Variants in TST observed in about 807,000 individuals in gnomAD.
TST encodes the protein thiosulfate sulfurtransferase.
In TST, 22 loss-of-function variants were observed where a neutral mutation model predicts 20.4. That is an observed-to-expected ratio of 1.08 (90% CI 0.77 to 1.54). The LOEUF (loss-of-function observed/expected upper bound fraction) is 1.54. Among genes scored for constraint, TST ranks in the 40% most tolerant of loss-of-function variants. TST has a pLI of 0.00. For synonymous variants in TST, 187 were observed against 173.8 expected (o/e 1.08, Z -0.60); for missense variants, 392 against 405.2 (o/e 0.97, Z 0.28).
intron 2 of TST, among the ~76,000 whole-genome samples, chr22:37,015,764 C>T (rs1922654647): frequency 1.3e-5 from 2 of 152,076 alleles, no homozygotes; most frequent in African/African-American, 2.4e-5. Context: ...TCCCACACCA[C>T]GCTGGGAACC....
chr22:37,018,318 G>T lies in TST; in HGVS notation c.415C>A (p.His139Asn), dbSNP rs1352734679. ...GGFRNWLKEGHPVTSEPSRPE... is the reference protein window; with the variant it reads ...GGFRNWLKEGNPVTSEPSRPE... ...CGTGAGGGCTCGGATGTCACCGGGTGGCCCTCCTTCAGCCAGTTCCGGAAG... is the reference window on the plus strand; with the variant it reads ...CGTGAGGGCTCGGATGTCACCGGGTTGCCCTCCTTCAGCCAGTTCCGGAAG... The change falls in exon 2 of 3, where the codon CAC becomes AAC. Residue 139 changes from histidine (H) to asparagine (N), a missense_variant. Transcript: ENST00000249042. The T allele has an allele frequency of 1.2e-6, 2 of 1,614,028 alleles. No individual in the cohort carries two copies. Among genetic ancestry groups the T allele is most frequent in the Non-Finnish European group, 8.5e-7 (1 of 1,180,022 alleles).
At chr22:37,012,804 G>A (rs893963141) in intron 2 of TST, among the ~76,000 whole-genome samples, 2 of 152,204 alleles carry the variant, frequency 1.3e-5, no homozygotes, top group Non-Finnish European at 2.9e-5. Context: ...CCAGCACTTT[G>A]GGAGGCTGAG....
At chr22:37,012,066 G>A (rs951525033) in intron 2 of TST, among the ~76,000 whole-genome samples, 20 of 152,180 alleles carry the variant, frequency 1.3e-4, no homozygotes, top group African/African-American at 4.8e-4. Flanking sequence ...TTTCTCCATA[G>A]GAAAAATGGA....
rs146828262 is a variant in TST at position 37,012,135 on chromosome 22, C to G, written c.596-810G>C. On this transcript the variant is annotated intron_variant, in intron 2 of 2. Transcript: ENST00000249042. Reference sequence around the variant, plus strand: ...CGAAGCGGGTGGCACAAGGAAAGCGCTGGCTTTGGAGGCTGGCCCACCCAC... The same window carrying G: ...CGAAGCGGGTGGCACAAGGAAAGCGGTGGCTTTGGAGGCTGGCCCACCCAC... Among the ~76,000 whole-genome samples, 278 of 152,320 alleles carry G rather than the reference C, an allele frequency of 1.8e-3. 1 individual carries two copies. The highest frequency in any genetic ancestry group is 6.4e-3 in the African/African-American group (264 of 41,574).
rs1359993657 is a variant in TST at position 37,018,337 on chromosome 22, C to T, written c.396G>A (p.Arg132=). 2 of 1,613,850 alleles carry T rather than the reference C, an allele frequency of 1.2e-6. No individual in the cohort carries two copies. The highest frequency in any genetic ancestry group is 1.7e-6 in the Non-Finnish European group (2 of 1,180,028). The change falls in exon 2 of 3, where the codon CGG becomes CGA. Residue 132 remains arginine (R), a synonymous_variant. Transcript: ENST00000249042. The part of the protein sequence containing the change: ...RTVSVLNGGF[R]NWLKEGHPVT... The stretch of plus-strand genomic sequence containing the variant: ...CCGGGTGGCCCTCCTTCAGCCAGTT[C>T]CGGAAGCCACCATTGAGCACTGATA...
At chr22:37,018,003 C>G in intron 2 of TST, 135 bp downstream of exon 2, 1 of 657,052 alleles carries the variant, frequency 1.5e-6, no homozygotes, top group Non-Finnish European at 2.4e-6. Flanking sequence ...CTGGTTTTAT[C>G]GATGGAAAGA....
Position 37,018,199 on chromosome 22 carries a change from C to T in TST, c.534G>A (p.Gln178=). ...GCCCTTGAGACCTTGAATCCACCAGCTGGAACCTCTTAGATTCAAGGTTCT... is the reference window on the plus strand; with the variant it reads ...GCCCTTGAGACCTTGAATCCACCAGTTGGAACCTCTTAGATTCAAGGTTCT... ...VLENLESKRF[Q]LVDSRSQGRF... The change falls in exon 2 of 3, where the codon CAG becomes CAA. Residue 178 remains glutamine, a synonymous_variant. Transcript: ENST00000249042. 6.2e-7 allele frequency: 1 copy of T among 1,611,886 alleles called. No homozygotes were observed. The highest frequency in any genetic ancestry group is 1.1e-5 in the South Asian group (1 of 90,724).
At chr22:37,019,863 C>A (rs1292313745), upstream of TST, 1 of 1,222,364 alleles carries the variant, frequency 8.2e-7, no homozygotes. Context: ...GCCGGGAGTC[C>A]GAGACCCGGG....
chr22:37,015,951 T>C (rs1922663798), intron 2 of TST, among the ~76,000 whole-genome samples: 2 of 144,186 alleles, frequency 1.4e-5, no homozygotes, highest in South Asian at 4.6e-4. Context: ...TTTTTTTTTT[T>C]TTTTTTTTTT....
rs937549582 is a variant in TST, at chr22:37,010,949, C to T, written c.*78G>A. 1 of 1,528,318 alleles carries T rather than the reference C, an allele frequency of 6.5e-7. No individual in the cohort carries two copies. Among genetic ancestry groups the T allele is most frequent in the Admixed American group, 1.9e-5 (1 of 52,264 alleles). 94.7% of individuals were successfully genotyped at this position (1,528,318 alleles called of 1,614,324 possible). On this transcript the variant is annotated 3_prime_UTR_variant, in exon 3 of 3. Transcript: ENST00000249042. ...TTCTAAAAACATGTCATCTCCTTCA[C>T]CTAAGAGGTAAGAACCGGCTGTAAG...
rs1196340188 is a variant in TST, at chr22:37,019,436, G to GTC, written c.-59_-58insGA. 4 of 151,350 alleles carry GTC rather than the reference G, an allele frequency of 2.6e-5. No homozygotes were observed. The highest frequency in any genetic ancestry group is 9.7e-5 in the African/African-American group (4 of 41,302). The allele number at this position is 151,350 out of a possible 1,614,324, so 9.4% of individuals were successfully genotyped here. ...GCCGCGCTGGCGCTCGCCCCGGCCG[G>GTC]CTGGAGAAGTTGGCCGGTTCAAACC... is the stretch of plus-strand genomic sequence containing the variant. On this transcript the variant is annotated 5_prime_UTR_variant, in exon 1 of 3. Transcript: ENST00000249042.
chr22:37,017,562 G>A (rs541777240), intron 2 of TST, among the ~76,000 whole-genome samples: 1 of 152,298 alleles, frequency 6.6e-6, no homozygotes, highest in East Asian at 1.9e-4. Flanking sequence ...CCAAGTGTCT[G>A]GCATGAAATG....
intron 2 of TST, among the ~76,000 whole-genome samples, chr22:37,017,106 G>C (rs1034399813): frequency 6.6e-6 from 1 of 152,236 alleles, no homozygotes. Flanking sequence ...CCAGAGACAA[G>C]AGAGGGCCCT....
At position 37,011,153 on chromosome 22, in the gene TST, G is replaced by A. The variant is rs4764; in HGVS notation, c.768C>T (p.His256=). The stretch of plus-strand genomic sequence containing the variant: ...CGCAGAGGTAGGCAGCCAAGGCCAC[G>A]TGGCAGGCGGTGACTCCCTTGCGGC... ...ATCRKGVTAC[H]VALAAYLCGK... Residue 256 remains histidine, a synonymous_variant, in exon 3 of 3, where the codon CAC becomes CAT. Transcript: ENST00000249042. The A allele has an allele frequency of 0.045, 72,411 of 1,613,714 alleles. 1,957 individuals are homozygous for A. Among genetic ancestry groups the A allele is most frequent in the Non-Finnish European group, 0.051 (60,174 of 1,180,012 alleles).
chr22:37,010,949 C>G lies in TST; in HGVS notation c.*78G>C. The stretch of plus-strand genomic sequence containing the variant: ...TTCTAAAAACATGTCATCTCCTTCA[C>G]CTAAGAGGTAAGAACCGGCTGTAAG... On this transcript the variant is annotated 3_prime_UTR_variant, in exon 3 of 3. Coordinates refer to ENST00000249042, the MANE Select transcript of TST (RefSeq NM_003312.6). The G allele has an allele frequency of 6.5e-7, 1 of 1,528,318 alleles. No individual in the cohort carries two copies. The highest frequency in any genetic ancestry group is 8.8e-7 in the Non-Finnish European group (1 of 1,131,206). The allele number at this position is 1,528,318 out of a possible 1,614,324, so 94.7% of individuals were successfully genotyped here.
chr22:37,018,175 C>T lies in TST; in HGVS notation c.558G>A (p.Gly186=). The change falls in exon 2 of 3, where the codon GGG becomes GGA. Residue 186 remains glycine, a synonymous_variant. Coordinates refer to ENST00000249042, the MANE Select transcript of TST (RefSeq NM_003312.6). ...RFQLVDSRSQ[G]RFLGTEPEPD... is the part of the protein sequence containing the mutation. ...GCTCCGGCTCGGTGCCCAGGAACCG[C>T]CCTTGAGACCTTGAATCCACCAGCT... 2 of 1,594,346 alleles carry T rather than the reference C, an allele frequency of 1.3e-6. No homozygotes were observed. Among genetic ancestry groups the T allele is most frequent in the Non-Finnish European group, 1.7e-6 (2 of 1,168,436 alleles).
chr22:37,010,921 C>G lies in TST; in HGVS notation c.*106G>C, dbSNP rs1335468369. On this transcript the variant is annotated 3_prime_UTR_variant, in exon 3 of 3. Coordinates refer to ENST00000249042, the MANE Select transcript of TST (RefSeq NM_003312.6). ...CAGAGAGAGGGTGAGCCTTGCACAG[C>G]AATTCTAAAAACATGTCATCTCCTT... 2 of 1,464,034 alleles carry G rather than the reference C, an allele frequency of 1.4e-6. No homozygotes were observed. Among genetic ancestry groups the G allele is most frequent in the East Asian group, 4.6e-5 (2 of 43,782 alleles). 90.7% of individuals were successfully genotyped at this position (1,464,034 alleles called of 1,614,324 possible).
At chr22:37,015,935 CTTTTTTTTTTT>C (rs1000783141) in intron 2 of TST, among the ~76,000 whole-genome samples, 48 of 73,886 alleles carry the variant, frequency 6.5e-4, no homozygotes, top group African/African-American at 2.6e-3. Context: ...GCCACTGCTA[CTTTTTTTTTTT>C]TTTTTTTTTT....
upstream of TST, chr22:37,019,603 G>C (rs1417444594): frequency 2.2e-5 from 5 of 223,716 alleles, no homozygotes; most frequent in Non-Finnish European, 4.3e-5. Context: ...GGGCCTCCGG[G>C]ACCCGCGGGG....
Sources: gnomAD v4.1 joint callset for allele counts (sites outside exome capture counted in the v4.1 genomes callset) on GRCh38, gnomAD v4.1.1 for gene constraint, MANE v1.5 for transcripts, NCBI Gene and HGNC (gene_info 2026-07-23, HGNC 2026-07-21) for gene names.